VPS33B: variants seen among roughly 807,000 people sequenced by gnomAD.
VPS33B encodes the protein vacuolar protein sorting-associated protein 33B.
In VPS33B, 80 loss-of-function variants were observed where a neutral mutation model predicts 95.3. The ratio of observed to expected loss-of-function variants is 0.84; its 90% CI spans 0.70 to 1.01. The LOEUF (loss-of-function observed/expected upper bound fraction) is 1.01. Among genes scored for constraint, VPS33B ranks in the 50% least tolerant of loss-of-function variants. VPS33B has a pLI of 0.00. For missense variants in VPS33B, 715 were observed against 773.4 expected, an observed-to-expected ratio of 0.92 and a Z score of 0.90; for synonymous variants, 280 against 280.4, an observed-to-expected ratio of 1.00 and a Z score of 0.01.
Position 91,009,738 on chromosome 15 carries a change from C to G in VPS33B, c.403+63G>C. The G allele has an allele frequency of 1.9e-6, 3 of 1,593,596 alleles. No homozygotes were observed. The highest frequency in any genetic ancestry group is 2.6e-6 in the Non-Finnish European group (3 of 1,166,506). On this transcript the variant is annotated intron_variant, in intron 6 of 22. Transcript: ENST00000333371. This position sits in a 1 kb window ranked among gnomAD's most constrained non-coding sequence, Gnocchi z 4.1. ...GGGGTGGGGTGGGGGGGTTGGAGAA[C>G]AACAACAGTTTTTTCTTCTGTATGT...
chr15:91,012,517 G>T (rs181817373), intron 5 of VPS33B, among the ~76,000 whole-genome samples: 65 of 152,292 alleles, frequency 4.3e-4, no homozygotes, highest in African/African-American at 1.6e-3. Context: ...ATTTTATCCA[G>T]ACAGCCTGGT....
rs2040658300 is a variant in VPS33B, at chr15:91,007,787, G to C, written c.498+83C>G. ...TGATAAATTACTTGCGTTGGACAAAGGTTATATTGGTATTTCTAGCCCTCT... is the reference window on the plus strand; with the variant it reads ...TGATAAATTACTTGCGTTGGACAAACGTTATATTGGTATTTCTAGCCCTCT... On this transcript the variant is annotated intron_variant, in intron 7 of 22. Coordinates refer to ENST00000333371, the MANE Select transcript of VPS33B (RefSeq NM_018668.5). The surrounding 1 kb of genome is among the most constrained non-coding windows in gnomAD (Gnocchi z 5.3). The C allele has an allele frequency of 1.5e-6, 2 of 1,356,218 alleles. No homozygotes were observed. The highest frequency in any genetic ancestry group is 1.4e-5 in the African/African-American group (1 of 69,730). The allele number at this position is 1,356,218 out of a possible 1,614,324, so 84.0% of individuals were successfully genotyped here. A position where few individuals can be genotyped will look rare whatever the true frequency, so the allele number is the denominator to read the frequency against.
chr15:91,010,489 T>C lies in VPS33B; in HGVS notation c.358-643A>G, dbSNP rs1831709369. ...TGGTGGTGTGTGCCTGTAGTCCAGTTACTCAGGAGGCTGAGGTGGGAGGAT... is the reference window on the plus strand; with the variant it reads ...TGGTGGTGTGTGCCTGTAGTCCAGTCACTCAGGAGGCTGAGGTGGGAGGAT... On this transcript the variant is annotated intron_variant, in intron 5 of 22. Transcript: ENST00000333371. The surrounding 1 kb of genome is among the most constrained non-coding windows in gnomAD (Gnocchi z 5.7). 6.6e-6 allele frequency among the ~76,000 whole-genome samples: 1 copy of C among 152,126 alleles called. No homozygotes were observed. The highest frequency in any genetic ancestry group is 1.5e-5 in the Non-Finnish European group (1 of 68,012).
intron 6 of VPS33B, 42 bp from the exon 7 acceptor site, chr15:91,008,006 T>G: frequency 1.6e-4 from 257 of 1,588,530 alleles, no homozygotes; most frequent in Non-Finnish European, 2.0e-4. Flanking sequence ...AGAAGGTACT[T>G]AGCTCCACGT....
In VPS33B at chr15:91,005,473, G is replaced by C. The variant is rs1464419305; in HGVS notation, c.1031-19C>G. On this transcript the variant is annotated intron_variant, in intron 13 of 22. Transcript: ENST00000333371. The surrounding 1 kb of genome is among the most constrained non-coding windows in gnomAD (Gnocchi z 6.4). Reference sequence around the variant, plus strand: ...CCAATATCTGCAGGTTGGACAAAGGGAGCTGACATACTCCTGGTTCTAGAA... The same window carrying C: ...CCAATATCTGCAGGTTGGACAAAGGCAGCTGACATACTCCTGGTTCTAGAA... 6.2e-7 allele frequency: 1 copy of C among 1,613,880 alleles called. No individual in the cohort carries two copies.
intron 6 of VPS33B, among the ~76,000 whole-genome samples, chr15:91,008,330 T>C (rs1171858415): frequency 6.6e-6 from 1 of 152,208 alleles, no homozygotes. Context: ...AATGGTGCAG[T>C]CTCGGCTCAC....
At position 91,000,314 on chromosome 15, in the gene VPS33B, T is replaced by C. The variant is rs1308614445; in HGVS notation, c.1581+176A>G. ...TCGGAAGCTGAGGCAGGAGAATCAC[T>C]TGAATCTGGGAGGTGGAGGTTGCAG... is the stretch of plus-strand genomic sequence containing the variant. On this transcript the variant is annotated intron_variant, in intron 20 of 22. Coordinates refer to ENST00000333371, the MANE Select transcript of VPS33B (RefSeq NM_018668.5). This position sits in a 1 kb window ranked among gnomAD's most constrained non-coding sequence, Gnocchi z 4.9. Among the ~76,000 whole-genome samples the C allele has an allele frequency of 6.6e-6, 1 of 151,964 alleles. No homozygotes were observed. Among genetic ancestry groups the C allele is most frequent in the Non-Finnish European group, 1.5e-5 (1 of 67,996 alleles).
In VPS33B at chr15:91,022,271, G is replaced by C. The variant is rs377488699; in HGVS notation, c.-22C>G. ...CCATGGCAGCGGTCACCTGCGCCGCGGGGTGGAAGGACGCCCTTCGTTCTG... is the reference window on the plus strand; with the variant it reads ...CCATGGCAGCGGTCACCTGCGCCGCCGGGTGGAAGGACGCCCTTCGTTCTG... On this transcript the variant is annotated 5_prime_UTR_variant, in exon 1 of 23. Coordinates refer to ENST00000333371, the MANE Select transcript of VPS33B (RefSeq NM_018668.5). 1 of 1,536,200 alleles carries C rather than the reference G, an allele frequency of 6.5e-7. No individual in the cohort carries two copies. Among genetic ancestry groups the C allele is most frequent in the Non-Finnish European group, 8.8e-7 (1 of 1,134,286 alleles).
chr15:90,999,787 G>T lies in VPS33B; in HGVS notation c.1664C>A (p.Thr555Asn). The change falls in exon 22 of 23, where the codon ACT becomes AAT. Residue 555 changes from threonine to asparagine, a missense_variant. Thr to Asn is a moderately conservative substitution (Grantham distance 65). Coordinates refer to ENST00000333371, the MANE Select transcript of VPS33B (RefSeq NM_018668.5). The surrounding 1 kb of genome is among the most constrained non-coding windows in gnomAD (Gnocchi z 5.1). ...CTCACTGGAAGCCTTGTCTTCCTTA[G>T]TCATATCTGTGAGGATCAGACCAGA... ...NCSDFAFTDM[T>N]KEDKASSESL... is the part of the protein sequence containing the mutation. 6.2e-7 allele frequency: 1 copy of T among 1,614,096 alleles called. No homozygotes were observed. Among genetic ancestry groups the T allele is most frequent in the Non-Finnish European group, 8.5e-7 (1 of 1,180,016 alleles).
rs1474893573 is a variant in VPS33B, at chr15:91,022,223, G to A, written c.27C>T (p.Ala9=). The part of the protein sequence containing the change: MAFPHRPD[A]PELPDFSMLK... ...GCATGGAGAAGTCAGGCAGCTCAGG[G>A]GCGTCCGGCCGATGGGGAAAAGCCA... is the stretch of plus-strand genomic sequence containing the variant. Residue 9 remains alanine, a synonymous_variant, in exon 1 of 23, where the codon GCC becomes GCT. Coordinates refer to ENST00000333371, the MANE Select transcript of VPS33B (RefSeq NM_018668.5). The A allele has an allele frequency of 6.3e-7, 1 of 1,581,848 alleles. No individual in the cohort carries two copies. Among genetic ancestry groups the A allele is most frequent in the African/African-American group, 1.3e-5 (1 of 74,366 alleles).
chr15:91,000,576 C>G lies in VPS33B; in HGVS notation c.1495G>C (p.Gly499Arg). 1 of 1,612,472 alleles carries G rather than the reference C, an allele frequency of 6.2e-7. No individual in the cohort carries two copies. Residue 499 changes from glycine to arginine, a missense_variant, in exon 20 of 23, where the codon GGC (glycine) becomes CGC (arginine). Coordinates refer to ENST00000333371, the MANE Select transcript of VPS33B (RefSeq NM_018668.5). The surrounding 1 kb of genome is among the most constrained non-coding windows in gnomAD (Gnocchi z 4.9). ...CGGGGCACTTTCAGATCATACTCGCCGTCCACACGTGGGATCTGTAAGACA... is the reference window on the plus strand; with the variant it reads ...CGGGGCACTTTCAGATCATACTCGCGGTCCACACGTGGGATCTGTAAGACA... Reference protein sequence around the residue: ...KKLNLIPRVDGEYDLKVPRDM... With the variant: ...KKLNLIPRVDREYDLKVPRDM...
In VPS33B at chr15:91,005,235, C is replaced by G; in HGVS notation, c.1106-116G>C. The G allele has an allele frequency of 6.2e-7, 1 of 1,611,528 alleles. No individual in the cohort carries two copies. The highest frequency in any genetic ancestry group is 8.5e-7 in the Non-Finnish European group (1 of 1,179,436). On this transcript the variant is annotated intron_variant, in intron 14 of 22. Transcript: ENST00000333371. The surrounding 1 kb of genome is among the most constrained non-coding windows in gnomAD (Gnocchi z 6.4). ...CCATCCTTGGGGTGGGTTAAGGGACCCCCAGGACTTCTAGCAGGAACCAGC... is the reference window on the plus strand; with the variant it reads ...CCATCCTTGGGGTGGGTTAAGGGACGCCCAGGACTTCTAGCAGGAACCAGC...
At chr15:91,016,792 GA>G in intron 3 of VPS33B, among the ~76,000 whole-genome samples, 170 bp downstream of exon 3, 1 of 152,174 alleles carries the variant, frequency 6.6e-6, no homozygotes, top group Non-Finnish European at 1.5e-5. Flanking sequence ...AGAAACCACA[GA>G]AAGGAAACTA....
In VPS33B at chr15:91,006,680, T is replaced by C. The variant is rs1273162997; in HGVS notation, c.750A>G (p.Leu250=). 1.9e-6 allele frequency: 3 copies of C among 1,614,198 alleles called. No homozygotes were observed. The highest frequency in any genetic ancestry group is 2.5e-6 in the Non-Finnish European group (3 of 1,180,028). The part of the protein sequence containing the change: ...ALCSQVVYEG[L]VDDTFRIKCG... ...ACTTGATGCGGAAGGTGTCATCTACTAGGCCCTCATAAACCACTTGGGAGC... is the reference window on the plus strand; with the variant it reads ...ACTTGATGCGGAAGGTGTCATCTACCAGGCCCTCATAAACCACTTGGGAGC... Residue 250 remains leucine, a synonymous_variant, in exon 10 of 23, where the codon CTA becomes CTG. Coordinates refer to ENST00000333371, the MANE Select transcript of VPS33B (RefSeq NM_018668.5). This position sits in a 1 kb window ranked among gnomAD's most constrained non-coding sequence, Gnocchi z 5.4.
At chr15:91,008,508 G>A (rs2040681947) in intron 6 of VPS33B, among the ~76,000 whole-genome samples, 1 of 152,100 alleles carries the variant, frequency 6.6e-6, no homozygotes, top group South Asian at 2.1e-4. Flanking sequence ...CTGGTGATCT[G>A]CCTGCCTTGG....
rs1425995568 is a variant in VPS33B, at chr15:91,002,289, G to C, written c.1273-107C>G. On this transcript the variant is annotated intron_variant, in intron 17 of 22. Transcript: ENST00000333371. The surrounding 1 kb of genome is among the most constrained non-coding windows in gnomAD (Gnocchi z 4.7). ...GACTATGAAGCCTCTGCTGCAGTGT[G>C]AAGGAGCTCACACTTTGTTGAGATA... 3 of 1,482,440 alleles carry C rather than the reference G, an allele frequency of 2.0e-6. No individual in the cohort carries two copies. The highest frequency in any genetic ancestry group is 2.8e-6 in the Non-Finnish European group (3 of 1,081,566). 91.8% of individuals were successfully genotyped at this position (1,482,440 alleles called of 1,614,324 possible).
In VPS33B at chr15:91,002,142, C is replaced by G; in HGVS notation, c.1313G>C (p.Arg438Pro). 1 of 1,614,150 alleles carries G rather than the reference C, an allele frequency of 6.2e-7. No homozygotes were observed. Among genetic ancestry groups the G allele is most frequent in the Non-Finnish European group, 8.5e-7 (1 of 1,180,034 alleles). Reference sequence around the variant, plus strand: ...CTGCTCCGTTAGGAGCCCAGCTCTTCGCAGATTGGAGAAGGTTAGCAGGTG... The same window carrying G: ...CTGCTCCGTTAGGAGCCCAGCTCTTGGCAGATTGGAGAAGGTTAGCAGGTG... ...PEHLLTFSNLRRAGLLTEQAP... is the reference protein window; with the variant it reads ...PEHLLTFSNLPRAGLLTEQAP... Residue 438 changes from arginine (R) to proline (P), a missense_variant, in exon 18 of 23, where the codon CGA (arginine) becomes CCA (proline). Physicochemically the swap from Arg to Pro is moderately radical, Grantham distance 103 (BLOSUM62 -2). Coordinates refer to ENST00000333371, the MANE Select transcript of VPS33B (RefSeq NM_018668.5). The surrounding 1 kb of genome is among the most constrained non-coding windows in gnomAD (Gnocchi z 4.7).
At position 91,009,911 on chromosome 15, in the gene VPS33B, T is replaced by C; in HGVS notation, c.358-65A>G. 6.3e-7 allele frequency: 1 copy of C among 1,588,998 alleles called. No homozygotes were observed. Among genetic ancestry groups the C allele is most frequent in the African/African-American group, 1.3e-5 (1 of 74,462 alleles). On this transcript the variant is annotated intron_variant, in intron 5 of 22. Transcript: ENST00000333371. The surrounding 1 kb of genome is among the most constrained non-coding windows in gnomAD (Gnocchi z 4.1). ...CTCTGTTCTCTCCATTTCTCTGGAG[T>C]TCCTCTGTGGTCACTGATGAGGACA...
Position 91,009,533 on chromosome 15 carries a change from C to T in VPS33B, c.403+268G>A, listed in dbSNP as rs2040719356. Among the ~76,000 whole-genome samples the T allele has an allele frequency of 6.6e-6, 1 of 152,150 alleles. No homozygotes were observed. Among genetic ancestry groups the T allele is most frequent in the African/African-American group, 2.4e-5 (1 of 41,410 alleles). ...TGTTGCCCAGGCTGGACTCAAACTCCTGACCTCAGGTGATCCACCCCCTCG... is the reference window on the plus strand; with the variant it reads ...TGTTGCCCAGGCTGGACTCAAACTCTTGACCTCAGGTGATCCACCCCCTCG... On this transcript the variant is annotated intron_variant, in intron 6 of 22. Coordinates refer to ENST00000333371, the MANE Select transcript of VPS33B (RefSeq NM_018668.5). The surrounding 1 kb of genome is among the most constrained non-coding windows in gnomAD (Gnocchi z 4.1).
Sources: gnomAD v4.1 joint callset for allele counts (sites outside exome capture counted in the v4.1 genomes callset) on GRCh38, gnomAD v4.1.1 for gene constraint, Gnocchi (gnomAD v3.1) non-coding constraint, MANE v1.5 for transcripts, NCBI Gene and HGNC (gene_info 2026-07-23, HGNC 2026-07-21) for gene names.